RNF169: variants seen among roughly 807,000 people sequenced by gnomAD.
RNF169 encodes the protein E3 ubiquitin-protein ligase RNF169.
A neutral mutation model predicts 53.9 loss-of-function variants in RNF169; 24 were observed. The observed-to-expected ratio is 0.45, with a 90% CI of 0.32 to 0.63. RNF169 has a LOEUF of 0.63. Among genes scored for constraint, RNF169 ranks in the 20% least tolerant of loss-of-function variants. The probability of loss-of-function intolerance (pLI) is 0.04; values close to 1 mark genes in which losing one functional copy is unlikely to be tolerated. For missense variants in RNF169, 883 were observed against 906.2 expected, an observed-to-expected ratio of 0.97 and a Z score of 0.33; for synonymous variants, 396 against 363.5, an observed-to-expected ratio of 1.09 and a Z score of -1.02.
At chr11:74,819,473 T>C (rs569118534) in intron 4 of RNF169, among the ~76,000 whole-genome samples, 1 of 152,330 alleles carries the variant, frequency 6.6e-6, no homozygotes, top group South Asian at 2.1e-4. Flanking sequence ...TTTAAACTCA[T>C]CAAAGGCAGG....
intron 1 of RNF169, among the ~76,000 whole-genome samples, chr11:74,762,471 G>C (rs1211295904): frequency 6.6e-6 from 1 of 152,192 alleles, no homozygotes; most frequent in African/African-American, 2.4e-5. Flanking sequence ...GTGATGTACA[G>C]ATGGGTTTTC....
chr11:74,834,560 C>T, intron 4 of RNF169, 116 bp from the exon 5 acceptor site: 1 of 562,074 alleles, frequency 1.8e-6, no homozygotes, highest in Non-Finnish European at 3.0e-6. Flanking sequence ...TTGTAGCTGC[C>T]CAAGGGAATT....
At chr11:74,781,357 T>C (rs1403384543) in intron 1 of RNF169, among the ~76,000 whole-genome samples, 1 of 152,188 alleles carries the variant, frequency 6.6e-6, no homozygotes, top group Non-Finnish European at 1.5e-5. Context: ...TAGTTTTTCA[T>C]ACACAATGAA....
intron 2 of RNF169, among the ~76,000 whole-genome samples, chr11:74,790,566 C>T (rs888697943): frequency 3.9e-5 from 6 of 152,190 alleles, no homozygotes; most frequent in Non-Finnish European, 7.3e-5. Context: ...CTTATCCTGG[C>T]AGGCTGTGCT....
chr11:74,795,935 ACT>A (rs1024398832), intron 2 of RNF169, among the ~76,000 whole-genome samples: 4 of 152,090 alleles, frequency 2.6e-5, no homozygotes, highest in Non-Finnish European at 1.5e-5. Flanking sequence ...TTTTCAACTT[ACT>A]CTCTCGACAA....
At chr11:74,801,697 G>T (rs182240101) in intron 2 of RNF169, among the ~76,000 whole-genome samples, 46 of 152,272 alleles carry the variant, frequency 3.0e-4, no homozygotes, top group Admixed American at 3.0e-3. Flanking sequence ...CTATAATCCC[G>T]GCTACTCGGG....
intron 1 of RNF169, among the ~76,000 whole-genome samples, chr11:74,785,300 GAGAT>G (rs1422593847): frequency 4.9e-5 from 7 of 141,772 alleles, no homozygotes; most frequent in South Asian, 4.3e-4. Flanking sequence ...ATATATATTA[GAGAT>G]ATATATATAT....
chr11:74,749,044 T>C lies in RNF169; in HGVS notation c.164T>C (p.Leu55Pro). 4 of 1,468,730 alleles carry C rather than the reference T, an allele frequency of 2.7e-6. No individual in the cohort carries two copies. The highest frequency in any genetic ancestry group is 3.6e-6 in the Non-Finnish European group (4 of 1,108,612). 91.0% of individuals were successfully genotyped at this position (1,468,730 alleles called of 1,614,324 possible). A position where few individuals can be genotyped will look rare whatever the true frequency, so the allele number is the denominator to read the frequency against. Residue 55 changes from leucine to proline, a missense_variant, in exon 1 of 6, where the codon CTG (leucine) becomes CCG (proline). Coordinates refer to ENST00000299563, the MANE Select transcript of RNF169 (RefSeq NM_001098638.2). Reference sequence around the variant, plus strand: ...CTGTTGGTGTTGTCGCCGCCGTTGCTGCAGCCGCCGCTGCCGCCGCGGCCG... The same window carrying C: ...CTGTTGGTGTTGTCGCCGCCGTTGCCGCAGCCGCCGCTGCCGCCGCGGCCG... The part of the protein sequence containing the change: ...PSLLVLSPPL[L>P]QPPLPPRPEE...
At chr11:74,774,191 CA>C (rs2035298251) in intron 1 of RNF169, among the ~76,000 whole-genome samples, 2 of 151,882 alleles carry the variant, frequency 1.3e-5, no homozygotes, top group Admixed American at 1.3e-4. Context: ...AACACACACA[CA>C]CAAATTAGCC....
At chr11:74,816,361 C>T (rs1233404498) in intron 3 of RNF169, among the ~76,000 whole-genome samples, 2 of 152,092 alleles carry the variant, frequency 1.3e-5, no homozygotes, top group Non-Finnish European at 2.9e-5. Flanking sequence ...CAGAACAGAT[C>T]CCTAAATAAG....
chr11:74,760,219 T>G (rs2035058998), intron 1 of RNF169, among the ~76,000 whole-genome samples: 1 of 152,064 alleles, frequency 6.6e-6, no homozygotes, highest in East Asian at 1.9e-4. Context: ...TTATTAGTCT[T>G]GCTAGTGGTC....
At chr11:74,833,486 A>G (rs1441507357) in intron 4 of RNF169, among the ~76,000 whole-genome samples, 1 of 152,202 alleles carries the variant, frequency 6.6e-6, no homozygotes, top group Non-Finnish European at 1.5e-5. Flanking sequence ...TTTCCAACCC[A>G]GATCTCACTT....
intron 1 of RNF169, among the ~76,000 whole-genome samples, chr11:74,765,307 T>G (rs180920348): frequency 6.6e-6 from 1 of 152,336 alleles, no homozygotes; most frequent in East Asian, 1.9e-4. Flanking sequence ...GCATCCTTTT[T>G]AAACTAATAT....
chr11:74,809,007 T>G (rs1168846971), intron 2 of RNF169, among the ~76,000 whole-genome samples: 1 of 152,198 alleles, frequency 6.6e-6, no homozygotes, highest in East Asian at 1.9e-4. Context: ...AGACTAATAT[T>G]TTAAAGATTA....
intron 1 of RNF169, among the ~76,000 whole-genome samples, chr11:74,782,907 GTTT>G (rs754919782): frequency 1.5e-5 from 2 of 135,360 alleles, no homozygotes; most frequent in African/African-American, 2.7e-5. Context: ...GTGCAAAGAG[GTTT>G]TTTTTTTTTT....
At position 74,840,647 on chromosome 11, in the gene RNF169, TCCTG is replaced by T. The variant is rs911303717; in HGVS notation, c.*3921_*3924del. ...AGCAACTTGGGATTCCTTTCCTTTT[TCCTG>T]CCTAACTTTTCATTGAAATGTCTAG... On this transcript the variant is annotated 3_prime_UTR_variant, in exon 6 of 6. Coordinates refer to ENST00000299563, the MANE Select transcript of RNF169 (RefSeq NM_001098638.2). 2.6e-5 allele frequency: 4 copies of T among 152,322 alleles called. No individual in the cohort carries two copies. The highest frequency in any genetic ancestry group is 3.9e-4 in the East Asian group (2 of 5,186). 9.4% of individuals were successfully genotyped at this position (152,322 alleles called of 1,614,324 possible). A position where few individuals can be genotyped will look rare whatever the true frequency, so the allele number is the denominator to read the frequency against.
In RNF169 at chr11:74,835,960, A is replaced by G; in HGVS notation, c.1357A>G (p.Thr453Ala). The change falls in exon 6 of 6, where the codon ACC becomes GCC. Residue 453 changes from threonine to alanine, a missense_variant. This residue lies in a region of RNF169 where 351 missense variants were observed against 337.3 expected (regional missense o/e 1.04). Transcript: ENST00000299563. ...AAAGACCCTTTCAAAAGCCACTCTT[A>G]CCTCTCTGGCTCCTGAAATGGGGGA... ...IKKTLSKATL[T>A]SLAPEMGEEL... 2 of 1,614,138 alleles carry G rather than the reference A, an allele frequency of 1.2e-6. No homozygotes were observed. Among genetic ancestry groups the G allele is most frequent in the Non-Finnish European group, 1.7e-6 (2 of 1,180,030 alleles).
chr11:74,761,600 G>C (rs1339324372), intron 1 of RNF169, among the ~76,000 whole-genome samples: 3 of 152,030 alleles, frequency 2.0e-5, no homozygotes, highest in Non-Finnish European at 4.4e-5. Flanking sequence ...TGAAATTCTG[G>C]GTTGAAAATT....
At chr11:74,756,589 T>C (rs2135305087) in intron 1 of RNF169, among the ~76,000 whole-genome samples, 1 of 152,286 alleles carries the variant, frequency 6.6e-6, no homozygotes, top group African/African-American at 2.4e-5. Context: ...ATGGCTTCAG[T>C]GAATGCCAGA....
Sources: gnomAD v4.1 joint callset for allele counts (sites outside exome capture counted in the v4.1 genomes callset) on GRCh38, gnomAD v4.1.1 for gene constraint, gnomAD v4.1.1 regional missense constraint, MANE v1.5 for transcripts, NCBI Gene and HGNC (gene_info 2026-07-23, HGNC 2026-07-21) for gene names.